ZDHHC15: variants seen among roughly 807,000 people sequenced by gnomAD.
ZDHHC15 encodes zDHHC palmitoyltransferase 15.
A neutral mutation model predicts 31.7 loss-of-function variants in ZDHHC15; 19 were observed. The ratio of observed to expected loss-of-function variants is 0.60; its 90% CI spans 0.42 to 0.88. ZDHHC15 has a LOEUF of 0.88. Among genes scored for constraint, ZDHHC15 ranks in the 40% least tolerant of loss-of-function variants. The probability of loss-of-function intolerance (pLI) is 0.00; values close to 1 mark genes in which losing one functional copy is unlikely to be tolerated. For synonymous variants in ZDHHC15, 103 were observed against 90.0 expected, an observed-to-expected ratio of 1.14 and a Z score of -0.82; for missense variants, 209 against 251.2, an observed-to-expected ratio of 0.83 and a Z score of 1.14.
In ZDHHC15 at chrX:75,466,213, T is replaced by G. The variant is rs749152315; in HGVS notation, c.258+12678A>C. On this transcript the variant is annotated intron_variant, in intron 3 of 11. Transcript: ENST00000373367. ...TGTAAAAAAAGCTCAACATCACTGATTATTAAACACAAATCAAAGCCACAA... is the reference window on the plus strand; with the variant it reads ...TGTAAAAAAAGCTCAACATCACTGAGTATTAAACACAAATCAAAGCCACAA... 9.8e-5 allele frequency among the ~76,000 whole-genome samples: 11 copies of G among 112,204 alleles called. No individual in the cohort carries two copies. The South Asian group carries it at 4.1e-3, about 42-fold the overall frequency.
chrX:75,486,785 T>C (rs1205248021), intron 2 of ZDHHC15, among the ~76,000 whole-genome samples: 1 of 110,586 alleles, frequency 9.0e-6, no homozygotes, highest in Non-Finnish European at 1.9e-5. Context: ...CATAACTTCA[T>C]TGCCTGAGAA....
chrX:75,491,630 A>G (rs1290683726), intron 2 of ZDHHC15, among the ~76,000 whole-genome samples: 1 of 110,827 alleles, frequency 9.0e-6, no homozygotes, highest in Non-Finnish European at 1.9e-5. Flanking sequence ...TATAATAATA[A>G]TAAAATAAAA....
At chrX:75,389,847 A>T (rs2083221711) in intron 10 of ZDHHC15, among the ~76,000 whole-genome samples, 1 of 111,694 alleles carries the variant, frequency 9.0e-6, no homozygotes, top group African/African-American at 3.3e-5. Flanking sequence ...GATAAAGGAG[A>T]CTTTGACTTG....
At chrX:75,486,985 A>C (rs2084788710) in intron 2 of ZDHHC15, among the ~76,000 whole-genome samples, 2 of 111,315 alleles carry the variant, frequency 1.8e-5, no homozygotes, top group African/African-American at 6.5e-5. Context: ...GTGAGTACCC[A>C]TCCTAGCCAA....
At chrX:75,508,399 G>C (rs887805963) in intron 1 of ZDHHC15, among the ~76,000 whole-genome samples, 1 of 101,106 alleles carries the variant, frequency 9.9e-6, no homozygotes, top group Non-Finnish European at 2.0e-5. Flanking sequence ...TGCAGTGTTT[G>C]GTTTTTTTTG....
At chrX:75,424,441 T>G (rs1202505622) in intron 8 of ZDHHC15, among the ~76,000 whole-genome samples, 1 of 111,432 alleles carries the variant, frequency 9.0e-6, no homozygotes, top group Non-Finnish European at 1.9e-5. Context: ...GTGTGGGGTT[T>G]CATTAAAAAA....
intron 9 of ZDHHC15, among the ~76,000 whole-genome samples, chrX:75,419,770 TA>T (rs2083599259): frequency 9.2e-6 from 1 of 108,429 alleles, no homozygotes; most frequent in Non-Finnish European, 1.9e-5. Flanking sequence ...TATGCAGTCA[TA>T]AAAAATGATG....
chrX:75,513,579 C>A (rs1311203644), intron 1 of ZDHHC15, among the ~76,000 whole-genome samples: 1 of 111,481 alleles, frequency 9.0e-6, no homozygotes, highest in Non-Finnish European at 1.9e-5. Context: ...CTACACTCTA[C>A]TATATACAAT....
intron 5 of ZDHHC15, among the ~76,000 whole-genome samples, chrX:75,431,163 G>A (rs1442721347): frequency 3.6e-5 from 4 of 111,899 alleles, no homozygotes; most frequent in Non-Finnish European, 7.5e-5. Context: ...TAACAACAAG[G>A]GAAACTGGGT....
At chrX:75,421,789 C>G (rs61661023) in intron 9 of ZDHHC15, 75 bp downstream of exon 9, 3 of 1,110,847 alleles carry the variant, frequency 2.7e-6, no homozygotes, top group African/African-American at 3.7e-5. Flanking sequence ...CTGCTGCATA[C>G]TACAATCAAA....
intron 4 of ZDHHC15, among the ~76,000 whole-genome samples, chrX:75,441,265 G>A (rs1035720248): frequency 6.3e-5 from 7 of 111,759 alleles, no homozygotes; most frequent in African/African-American, 2.3e-4. Context: ...TCTCTCTGTG[G>A]CTGTTCCCCA....
At chrX:75,514,872 TA>T (rs1314695508) in intron 1 of ZDHHC15, among the ~76,000 whole-genome samples, 12 of 110,305 alleles carry the variant, frequency 1.1e-4, no homozygotes, top group African/African-American at 3.6e-4. Flanking sequence ...ATAGACGCAA[TA>T]AAAAAATGAT....
At chrX:75,445,017 CT>C (rs1211596164) in intron 4 of ZDHHC15, among the ~76,000 whole-genome samples, 1 of 109,723 alleles carries the variant, frequency 9.1e-6, no homozygotes, top group Non-Finnish European at 1.9e-5. Flanking sequence ...AGTGCTTATA[CT>C]TTGGGCTCAA....
intron 3 of ZDHHC15, among the ~76,000 whole-genome samples, chrX:75,470,964 G>A (rs2084494967): frequency 8.9e-6 from 1 of 112,127 alleles, no homozygotes; most frequent in African/African-American, 3.2e-5. Flanking sequence ...TGCAGCGGTG[G>A]TGATTCCCAC....
chrX:75,402,458 G>A (rs1004124694), intron 10 of ZDHHC15, among the ~76,000 whole-genome samples: 1 of 110,648 alleles, frequency 9.0e-6, no homozygotes, highest in Non-Finnish European at 1.9e-5. Context: ...CCAGGAACTG[G>A]TTTTTTTGAA....
In ZDHHC15 at chrX:75,368,922, A is replaced by G. The variant is rs748599238; in HGVS notation, c.*4056T>C. ...AAACAGTCATGGGTTGCATGCTACT[A>G]GGAGCCACCCATTCATTATTATATA... On this transcript the variant is annotated 3_prime_UTR_variant, in exon 12 of 12. Transcript: ENST00000373367. 2 of 111,848 alleles carry G rather than the reference A, an allele frequency of 1.8e-5. No homozygotes were observed. Among genetic ancestry groups the G allele is most frequent in the Non-Finnish European group, 3.8e-5 (2 of 53,161 alleles). The allele number at this position is 111,848 out of a possible 1,213,427, so 9.2% of individuals were successfully genotyped here.
intron 10 of ZDHHC15, among the ~76,000 whole-genome samples, chrX:75,382,778 G>A (rs1487662518): frequency 8.9e-6 from 1 of 112,155 alleles, no homozygotes; most frequent in Admixed American, 9.5e-5. Flanking sequence ...GCCATTTGGT[G>A]AAAGATATCA....
intron 4 of ZDHHC15, among the ~76,000 whole-genome samples, chrX:75,444,544 C>G (rs1486281641): frequency 9.9e-6 from 1 of 101,384 alleles, no homozygotes; most frequent in Non-Finnish European, 2.0e-5. Flanking sequence ...GTGCAGCACA[C>G]CAACATGGCA....
chrX:75,496,597 T>C (rs1402717402), intron 2 of ZDHHC15, among the ~76,000 whole-genome samples: 1 of 111,982 alleles, frequency 8.9e-6, no homozygotes. Context: ...AGATAGATCA[T>C]ATGACAGGAC....
Sources: gnomAD v4.1 joint callset for allele counts (sites outside exome capture counted in the v4.1 genomes callset) on GRCh38, gnomAD v4.1.1 for gene constraint, MANE v1.5 for transcripts, NCBI Gene and HGNC (gene_info 2026-07-23, HGNC 2026-07-21) for gene names.